The following SUGCT variants were observed in gnomAD, a reference collection of about 807,000 sequenced individuals.
SUGCT encodes the protein succinyl-CoA:glutarate CoA-transferase.
Under a neutral mutation model 55.0 loss-of-function variants are expected in SUGCT, and 41 were observed. The ratio of observed to expected loss-of-function variants is 0.74; its 90% CI spans 0.58 to 0.97. SUGCT has a LOEUF of 0.97. SUGCT is among the 50% of genes least tolerant of loss of function. The pLI is 0.00. For missense variants in SUGCT, 568 were observed against 547.8 expected, an observed-to-expected ratio of 1.04 and a Z score of -0.37; for synonymous variants, 187 against 200.4, an observed-to-expected ratio of 0.93 and a Z score of 0.56.
the SUGCT span, among the ~76,000 whole-genome samples, chr7:40,873,100 G>A: frequency 6.6e-6 from 1 of 152,102 alleles, no homozygotes; most frequent in Admixed American, 6.5e-5. Flanking sequence ...ACAATATGGA[G>A]CTTTCAAGAG....
At chr7:40,444,148 A>G (rs550845749) in intron 9 of SUGCT, among the ~76,000 whole-genome samples, 1 of 152,168 alleles carries the variant, frequency 6.6e-6, no homozygotes, top group East Asian at 1.9e-4. Context: ...GTTTGAAGTC[A>G]GGTAGCGTGA....
intron 12 of SUGCT, among the ~76,000 whole-genome samples, chr7:40,651,498 A>G (rs752574033): frequency 2.4e-4 from 37 of 152,152 alleles, no homozygotes; most frequent in South Asian, 1.0e-3. Flanking sequence ...CTTTGTCAGA[A>G]GAATAGATTG....
At chr7:40,568,377 TG>T (rs1216574246) in intron 12 of SUGCT, among the ~76,000 whole-genome samples, 1 of 152,082 alleles carries the variant, frequency 6.6e-6, no homozygotes, top group Non-Finnish European at 1.5e-5. Context: ...CAAAAACAGA[TG>T]GAAAACTCCA....
intron 1 of SUGCT, among the ~76,000 whole-genome samples, chr7:40,168,807 G>A (rs1220535188): frequency 6.6e-6 from 1 of 151,446 alleles, no homozygotes; most frequent in South Asian, 2.1e-4. Flanking sequence ...TTCTTCTGCC[G>A]AGTACTGGGG....
At chr7:40,688,108 C>T (rs1003073009) in intron 12 of SUGCT, among the ~76,000 whole-genome samples, 2 of 152,102 alleles carry the variant, frequency 1.3e-5, no homozygotes, top group African/African-American at 2.4e-5. Flanking sequence ...CAATAGTATT[C>T]TTAATGCAAT....
chr7:40,728,560 A>T (rs774083100), intron 12 of SUGCT, among the ~76,000 whole-genome samples: 37 of 152,188 alleles, frequency 2.4e-4, no homozygotes, highest in Non-Finnish European at 4.7e-4. Flanking sequence ...TATATGTTAT[A>T]GGTAGATGGT....
At chr7:40,175,753 G>C (rs989874374) in intron 1 of SUGCT, among the ~76,000 whole-genome samples, 2 of 151,986 alleles carry the variant, frequency 1.3e-5, no homozygotes, top group Non-Finnish European at 2.9e-5. Flanking sequence ...TGTTAAAAAC[G>C]TAACATTAAA....
At chr7:41,022,546 A>C in the SUGCT span, among the ~76,000 whole-genome samples, 2,122 of 152,314 alleles carry the variant, frequency 0.014, 21 homozygotes, top group Non-Finnish European at 0.023. Context: ...TGTTGGATAC[A>C]TTTCTTCAAA....
At chr7:40,337,160 T>G (rs1398482520) in intron 9 of SUGCT, among the ~76,000 whole-genome samples, 1 of 152,200 alleles carries the variant, frequency 6.6e-6, no homozygotes, top group Admixed American at 6.5e-5. Flanking sequence ...AGGAGTGCTT[T>G]ACTTCTGACT....
chr7:40,226,178 A>G (rs987415039), intron 6 of SUGCT, among the ~76,000 whole-genome samples: 1 of 152,204 alleles, frequency 6.6e-6, no homozygotes, highest in South Asian at 2.1e-4. Context: ...TCTTGCATGT[A>G]GGAAAGTAAC....
chr7:40,868,466 T>C, the SUGCT span, among the ~76,000 whole-genome samples: 2 of 152,216 alleles, frequency 1.3e-5, no homozygotes, highest in African/African-American at 4.8e-5. Context: ...TCCAGCTTCA[T>C]CCATGTCCCT....
intron 12 of SUGCT, among the ~76,000 whole-genome samples, chr7:40,563,311 A>G (rs1429472108): frequency 1.3e-5 from 2 of 152,060 alleles, no homozygotes; most frequent in Non-Finnish European, 2.9e-5. Context: ...CCCATGTTCT[A>G]CCAAAGGTGA....
chr7:40,457,387 T>A (rs903268349), intron 10 of SUGCT, among the ~76,000 whole-genome samples: 1 of 152,042 alleles, frequency 6.6e-6, no homozygotes, highest in African/African-American at 2.4e-5. Flanking sequence ...GAGGTTGCAG[T>A]GAGCTGAGAT....
intron 4 of SUGCT, among the ~76,000 whole-genome samples, chr7:40,189,163 G>A (rs1461138481): frequency 2.6e-5 from 4 of 152,016 alleles, no homozygotes; most frequent in South Asian, 2.1e-4. Flanking sequence ...CCAATATGGC[G>A]ATACCCCGTC....
chr7:40,212,534 A>AT lies in SUGCT; in HGVS notation c.484+17484dup, dbSNP rs373732440. Among the ~76,000 whole-genome samples, 273 of 149,038 alleles carry AT rather than the reference A, an allele frequency of 1.8e-3. 2 individuals are homozygous for AT. The highest frequency in any genetic ancestry group is 6.3e-3 in the African/African-American group (255 of 40,766). ...TGTAAATTGATGATTATAGTTCAAT[A>AT]TTTTTTTTTTGTTTGTTTGAGATGG... On this transcript the variant is annotated intron_variant, in intron 6 of 13. Coordinates refer to ENST00000335693, the MANE Select transcript of SUGCT (RefSeq NM_001193313.2).
chr7:40,954,309 T>C, the SUGCT span, among the ~76,000 whole-genome samples: 1 of 152,188 alleles, frequency 6.6e-6, no homozygotes, highest in African/African-American at 2.4e-5. Context: ...AAAAGCACCA[T>C]ATTAGGGTGG....
At chr7:40,645,384 T>C (rs1445944754) in intron 12 of SUGCT, among the ~76,000 whole-genome samples, 2 of 152,140 alleles carry the variant, frequency 1.3e-5, no homozygotes, top group Admixed American at 6.5e-5. Context: ...GGGCCCACCA[T>C]GTACAAAGGG....
At chr7:40,650,442 T>G (rs1800722488) in intron 12 of SUGCT, among the ~76,000 whole-genome samples, 1 of 152,164 alleles carries the variant, frequency 6.6e-6, no homozygotes, top group African/African-American at 2.4e-5. Flanking sequence ...CAGGGTTGAA[T>G]AATCTGAGAT....
chr7:40,789,880 G>A (rs987824748), intron 13 of SUGCT, among the ~76,000 whole-genome samples: 3 of 152,156 alleles, frequency 2.0e-5, no homozygotes, highest in Admixed American at 6.5e-5. Context: ...TAACAAATGT[G>A]TGGAGGGGGA....
Sources: gnomAD v4.1 joint callset for allele counts (sites outside exome capture counted in the v4.1 genomes callset) on GRCh38, gnomAD v4.1.1 for gene constraint, MANE v1.5 for transcripts, NCBI Gene and HGNC (gene_info 2026-07-23, HGNC 2026-07-21) for gene names.